The following PTPN1 variants were observed in gnomAD, a reference collection of about 807,000 sequenced individuals.
PTPN1 encodes protein tyrosine phosphatase non-receptor type 1, also known as tyrosine-protein phosphatase non-receptor type 1.
In PTPN1, 12 loss-of-function variants were observed where a neutral mutation model predicts 59.9. The observed-to-expected ratio is 0.20, with a 90% CI of 0.13 to 0.32. The LOEUF (loss-of-function observed/expected upper bound fraction) is 0.32, where lower values mean the gene tolerates loss of function less well. PTPN1 is among the 10% of genes least tolerant of loss of function. The pLI is 1.00. For missense variants in PTPN1, 356 were observed against 549.2 expected (o/e 0.65, Z 3.52); for synonymous variants, 178 against 203.6 (o/e 0.87, Z 1.07).
In PTPN1 at chr20:50,582,961, AAG is replaced by A. The variant is rs1217296871; in HGVS notation, c.*251_*252del. The stretch of plus-strand genomic sequence containing the variant: ...ACAAGCCATTTTTTGAGGAGAGTGA[AAG>A]AGAGTACCATGCTGGCGGCGCAGAG... On this transcript the variant is annotated 3_prime_UTR_variant, in exon 10 of 10. Transcript: ENST00000371621. The surrounding 1 kb of genome is among the most constrained non-coding windows in gnomAD (Gnocchi z 4.2). 8 of 580,318 alleles carry A rather than the reference AAG, an allele frequency of 1.4e-5. No homozygotes were observed. Among genetic ancestry groups the A allele is most frequent in the East Asian group, 2.8e-5 (1 of 35,278 alleles). The allele number at this position is 580,318 out of a possible 1,614,324, so 35.9% of individuals were successfully genotyped here. A position where few individuals can be genotyped will look rare whatever the true frequency, so the allele number is the denominator to read the frequency against.
chr20:50,531,718 T>G (rs752050867), intron 1 of PTPN1, among the ~76,000 whole-genome samples: 1 of 152,176 alleles, frequency 6.6e-6, no homozygotes, highest in Non-Finnish European at 1.5e-5. Flanking sequence ...TGGGAAGTAG[T>G]GAGCCTTTGT....
intron 7 of PTPN1, 97 bp downstream of exon 7, chr20:50,579,426 G>A: frequency 2.2e-6 from 3 of 1,372,314 alleles, no homozygotes; most frequent in South Asian, 1.3e-5. Flanking sequence ...ACCGTCTGGT[G>A]TCAGGGGAAA....
intron 6 of PTPN1, 92 bp from the exon 7 acceptor site, chr20:50,579,076 G>A (rs1429102765): frequency 7.2e-7 from 1 of 1,384,836 alleles, no homozygotes; most frequent in Non-Finnish European, 1.0e-6. Flanking sequence ...ATTTCAGCAT[G>A]AGATTGGGAG....
chr20:50,548,074 G>A (rs1265256667), intron 1 of PTPN1, among the ~76,000 whole-genome samples: 2 of 152,058 alleles, frequency 1.3e-5, no homozygotes, highest in East Asian at 1.9e-4. Context: ...GTTTGCCTCC[G>A]TGTCTCAGTG....
chr20:50,558,523 G>A, intron 1 of PTPN1, among the ~76,000 whole-genome samples: 1 of 152,086 alleles, frequency 6.6e-6, no homozygotes, highest in East Asian at 1.9e-4. Flanking sequence ...TTACTGTATT[G>A]GACAGAGTGG....
At chr20:50,581,068 A>G (rs2082865867) in intron 8 of PTPN1, among the ~76,000 whole-genome samples, 197 bp from the exon 9 acceptor site, 1 of 152,064 alleles carries the variant, frequency 6.6e-6, no homozygotes, top group Non-Finnish European at 1.5e-5. Context: ...GGGGGTGACA[A>G]GTGGACTTCA....
intron 1 of PTPN1, among the ~76,000 whole-genome samples, chr20:50,554,422 A>G (rs2082717305): frequency 1.1e-5 from 1 of 92,442 alleles, no homozygotes; most frequent in South Asian, 3.8e-4. Context: ...AGGCAGTGAA[A>G]TAACGACTTA....
chr20:50,574,670 A>T lies in PTPN1; in HGVS notation c.492+16A>T. On this transcript the variant is annotated intron_variant, in intron 5 of 9. Transcript: ENST00000371621. ...AAACCTTACAGTGAGTATAGCACACACTTCAGCACTTCAGGCGGCTACTGG... is the reference window on the plus strand; with the variant it reads ...AAACCTTACAGTGAGTATAGCACACTCTTCAGCACTTCAGGCGGCTACTGG... The T allele has an allele frequency of 4.4e-6, 7 of 1,589,188 alleles. No individual in the cohort carries two copies. Among genetic ancestry groups the T allele is most frequent in the Non-Finnish European group, 6.0e-6 (7 of 1,171,844 alleles).
chr20:50,537,341 TAATA>T (rs779111829), intron 1 of PTPN1, among the ~76,000 whole-genome samples: 1 of 152,010 alleles, frequency 6.6e-6, no homozygotes, highest in Non-Finnish European at 1.5e-5. Context: ...ATAATAATAA[TAATA>T]AATAAACTTT....
chr20:50,522,190 G>T (rs1007531372), intron 1 of PTPN1, among the ~76,000 whole-genome samples: 1 of 152,028 alleles, frequency 6.6e-6, no homozygotes, highest in Admixed American at 6.6e-5. Context: ...GCCTCCTTCT[G>T]CTATTTTGAG....
intron 1 of PTPN1, among the ~76,000 whole-genome samples, chr20:50,546,485 C>A (rs2082676718): frequency 6.6e-6 from 1 of 152,144 alleles, no homozygotes; most frequent in African/African-American, 2.4e-5. Flanking sequence ...CTTCTTCATC[C>A]TTACCCCTCA....
Position 50,510,410 on chromosome 20 carries a change from C to A in PTPN1, c.-118C>A. ...GAAGAAGCAGCAGCGGCTAGGGCGGCGGTAGCTGCAGGGGTCGGGGATTGC... is the reference window on the plus strand; with the variant it reads ...GAAGAAGCAGCAGCGGCTAGGGCGGAGGTAGCTGCAGGGGTCGGGGATTGC... On this transcript the variant is annotated 5_prime_UTR_variant, in exon 1 of 10. Transcript: ENST00000371621. 9.1e-7 allele frequency: 1 copy of A among 1,094,462 alleles called. No homozygotes were observed. Among genetic ancestry groups the A allele is most frequent in the Non-Finnish European group, 1.3e-6 (1 of 770,386 alleles). The allele number at this position is 1,094,462 out of a possible 1,614,324, so 67.8% of individuals were successfully genotyped here.
chr20:50,551,158 C>T (rs1435778289), intron 1 of PTPN1, among the ~76,000 whole-genome samples: 1 of 152,088 alleles, frequency 6.6e-6, no homozygotes, highest in East Asian at 1.9e-4. Context: ...ATTCTGTTAC[C>T]AGAGTTTTGT....
intron 1 of PTPN1, among the ~76,000 whole-genome samples, chr20:50,511,020 C>G (rs1042366783): frequency 6.6e-6 from 1 of 152,144 alleles, no homozygotes; most frequent in Non-Finnish European, 1.5e-5. Flanking sequence ...TTACTCCCCC[C>G]GTCCCTCCTT....
Position 50,568,802 on chromosome 20 carries a change from A to C in PTPN1, c.354+324A>C, listed in dbSNP as rs569772711. On this transcript the variant is annotated intron_variant, in intron 4 of 9. Coordinates refer to ENST00000371621, the MANE Select transcript of PTPN1 (RefSeq NM_002827.4). The surrounding 1 kb of genome is among the most constrained non-coding windows in gnomAD (Gnocchi z 5.6). ...TGGAGTTGTGTGTGGAGTTATGGAG[A>C]CCTGCTTTTATCTTGAAAAGCAAGT... Among the ~76,000 whole-genome samples the C allele has an allele frequency of 2.1e-4, 32 of 152,046 alleles. No individual in the cohort carries two copies. Among genetic ancestry groups the C allele is most frequent in the Non-Finnish European group, 4.1e-4 (28 of 67,988 alleles).
chr20:50,574,369 G>A (rs2082825730), intron 4 of PTPN1, 148 bp from the exon 5 acceptor site: 3 of 777,744 alleles, frequency 3.9e-6, no homozygotes, highest in Non-Finnish European at 5.8e-6. Flanking sequence ...TCCCCATGAG[G>A]CAGGCATCTG....
chr20:50,563,544 T>C (rs2082763541), intron 2 of PTPN1, among the ~76,000 whole-genome samples: 1 of 152,238 alleles, frequency 6.6e-6, no homozygotes, highest in Non-Finnish European at 1.5e-5. Flanking sequence ...TTTTGAGGTC[T>C]TTTATCTCTG....
At chr20:50,579,997 A>G in intron 8 of PTPN1, 71 bp downstream of exon 8, 1 of 1,402,398 alleles carries the variant, frequency 7.1e-7, no homozygotes, top group Non-Finnish European at 1.0e-6. Flanking sequence ...ACACGCTGGT[A>G]CTGAAACCCT....
Position 50,568,471 on chromosome 20 carries a change from A to G in PTPN1, c.347A>G (p.Lys116Arg), listed in dbSNP as rs777216811. Residue 116 changes from lysine (K) to arginine (R), a missense_variant, in exon 4 of 10, where the codon AAA becomes AGA. Physicochemically the swap from Lys to Arg is conservative, Grantham distance 26. Transcript: ENST00000371621. This position sits in a 1 kb window ranked among gnomAD's most constrained non-coding sequence, Gnocchi z 5.6. ...GTCATGCTCAACAGAGTGATGGAGA[A>G]AGGTTCGGTAAGTCTCGGCTTCATT... ...GVVMLNRVMEKGSLKCAQYWP... is the reference protein window; with the variant it reads ...GVVMLNRVMERGSLKCAQYWP... 6.2e-7 allele frequency: 1 copy of G among 1,613,604 alleles called. No individual in the cohort carries two copies. Among genetic ancestry groups the G allele is most frequent in the South Asian group, 1.1e-5 (1 of 91,072 alleles).
Sources: allele counts gnomAD v4.1 joint callset (sites outside exome capture counted in the v4.1 genomes callset), GRCh38; gene constraint gnomAD v4.1.1; non-coding constraint Gnocchi (gnomAD v3.1); transcripts MANE v1.5; gene names NCBI Gene and HGNC (gene_info 2026-07-23, HGNC 2026-07-21).